LHFPL3: variants seen among roughly 807,000 people sequenced by gnomAD.
LHFPL3 encodes the protein LHFPL tetraspan subfamily member 3 protein.
In LHFPL3, 5 loss-of-function variants were observed where a neutral mutation model predicts 19.3. The ratio of observed to expected loss-of-function variants is 0.26; its 90% CI spans 0.14 to 0.54. The LOEUF (loss-of-function observed/expected upper bound fraction) is 0.54. Ranked by LOEUF, LHFPL3 falls within the 20% of genes least tolerant of loss-of-function variation. LHFPL3 has a pLI of 0.94. For missense variants in LHFPL3, 249 were observed against 307.4 expected, an observed-to-expected ratio of 0.81 and a Z score of 1.42; for synonymous variants, 133 against 126.2, an observed-to-expected ratio of 1.05 and a Z score of -0.36.
chr7:104,651,807 G>C (rs1044551856), intron 1 of LHFPL3, among the ~76,000 whole-genome samples: 1 of 152,168 alleles, frequency 6.6e-6, no homozygotes, highest in African/African-American at 2.4e-5. Flanking sequence ...CATTAGCAGT[G>C]AGACCTTGAG....
At chr7:104,625,180 T>C (rs1207484600) in intron 1 of LHFPL3, among the ~76,000 whole-genome samples, 2 of 152,230 alleles carry the variant, frequency 1.3e-5, no homozygotes, top group South Asian at 2.1e-4. Flanking sequence ...TGGATAGTCA[T>C]GCATTTATTT....
At chr7:104,394,390 T>G (rs968522735) in intron 1 of LHFPL3, among the ~76,000 whole-genome samples, 1 of 152,224 alleles carries the variant, frequency 6.6e-6, no homozygotes, top group Admixed American at 6.5e-5. Flanking sequence ...ATAATTTAGG[T>G]AATTTTAATT....
At chr7:104,557,994 C>A (rs1032555067) in intron 1 of LHFPL3, among the ~76,000 whole-genome samples, 1 of 150,734 alleles carries the variant, frequency 6.6e-6, no homozygotes, top group Non-Finnish European at 1.5e-5. Context: ...CATGTCCCTA[C>A]AAAGGACATG....
chr7:104,794,743 TAGAA>T (rs1790086016), intron 2 of LHFPL3, among the ~76,000 whole-genome samples: 1 of 152,206 alleles, frequency 6.6e-6, no homozygotes, highest in Non-Finnish European at 1.5e-5. Context: ...GATTGGCAGT[TAGAA>T]AGAATCAGCC....
intron 2 of LHFPL3, among the ~76,000 whole-genome samples, chr7:104,841,569 C>T (rs1331585249): frequency 3.4e-5 from 5 of 146,450 alleles, no homozygotes; most frequent in East Asian, 2.0e-4. Context: ...TAAGCCATTA[C>T]GTGTCTGCTT....
At chr7:104,650,296 T>G (rs1020326376) in intron 1 of LHFPL3, among the ~76,000 whole-genome samples, 9 of 152,166 alleles carry the variant, frequency 5.9e-5, no homozygotes, top group African/African-American at 1.9e-4. Flanking sequence ...TCATCTGTGG[T>G]GCACACATCC....
At chr7:104,754,294 A>G (rs1010248793) in intron 2 of LHFPL3, among the ~76,000 whole-genome samples, 1 of 152,248 alleles carries the variant, frequency 6.6e-6, no homozygotes, top group African/African-American at 2.4e-5. Flanking sequence ...ATGTGTACCA[A>G]ACAACCATCT....
chr7:104,478,654 A>G (rs1793072900), intron 1 of LHFPL3, among the ~76,000 whole-genome samples: 1 of 152,162 alleles, frequency 6.6e-6, no homozygotes, highest in African/African-American at 2.4e-5. Flanking sequence ...AGTGTGTTCC[A>G]TGCATTCCAT....
At chr7:104,337,280 T>C (rs1000131180) in intron 1 of LHFPL3, among the ~76,000 whole-genome samples, 7 of 152,078 alleles carry the variant, frequency 4.6e-5, no homozygotes, top group East Asian at 1.9e-4. Flanking sequence ...GAAGTATGAA[T>C]AGTAAAGAGA....
intron 1 of LHFPL3, among the ~76,000 whole-genome samples, chr7:104,416,439 C>A (rs1466202985): frequency 6.6e-6 from 1 of 152,234 alleles, no homozygotes; most frequent in Admixed American, 6.5e-5. Flanking sequence ...GTATCACCTA[C>A]TCACTGCTGC....
chr7:104,821,443 C>T (rs1472841956), intron 2 of LHFPL3, among the ~76,000 whole-genome samples: 1 of 152,196 alleles, frequency 6.6e-6, no homozygotes, highest in African/African-American at 2.4e-5. Flanking sequence ...CAAGTGAAGG[C>T]TGAGGTAGGA....
At chr7:104,578,653 T>A (rs971231234) in intron 1 of LHFPL3, among the ~76,000 whole-genome samples, 2 of 152,250 alleles carry the variant, frequency 1.3e-5, no homozygotes, top group African/African-American at 2.4e-5. Context: ...TGATGGAGCC[T>A]GCCCACCTGT....
chr7:104,507,162 C>A (rs9691431), intron 1 of LHFPL3, among the ~76,000 whole-genome samples: 1 of 151,680 alleles, frequency 6.6e-6, no homozygotes, highest in African/African-American at 2.4e-5. Context: ...CAATCCTAAG[C>A]CAAAAGAACA....
Position 104,754,948 on chromosome 7 carries a change from C to T in LHFPL3, c.682+18037C>T, listed in dbSNP as rs76551912. 3.1e-4 allele frequency among the ~76,000 whole-genome samples: 47 copies of T among 152,186 alleles called. 1 individual carries two copies. Among genetic ancestry groups the T allele is most frequent in the Admixed American group, 1.5e-3 (23 of 15,284 alleles). ...TCACCAGGTGCTAGGGGGCAGAGTGCGGTTCATCTAAGGAGTAGAGAAGGG... is the reference window on the plus strand; with the variant it reads ...TCACCAGGTGCTAGGGGGCAGAGTGTGGTTCATCTAAGGAGTAGAGAAGGG... On this transcript the variant is annotated intron_variant, in intron 2 of 2. Coordinates refer to ENST00000424859, the MANE Select transcript of LHFPL3 (RefSeq NM_199000.3).
At chr7:104,798,069 C>T (rs1790168638) in intron 2 of LHFPL3, among the ~76,000 whole-genome samples, 1 of 152,140 alleles carries the variant, frequency 6.6e-6, no homozygotes, top group South Asian at 2.1e-4. Context: ...TGTCACATGG[C>T]TTATGACCCC....
At chr7:104,430,406 A>ATATATGTATATATATATATATATATG (rs1562895155) in intron 1 of LHFPL3, among the ~76,000 whole-genome samples, 26 of 31,340 alleles carry the variant, frequency 8.3e-4, no homozygotes, top group Non-Finnish European at 1.1e-3. Context: ...ATATATATAC[A>ATATATGTATATATATATATATATATG]TATATATATA....
At position 104,865,166 on chromosome 7, in the gene LHFPL3, G is replaced by A. The variant is rs373929615; in HGVS notation, c.683-41021G>A. On this transcript the variant is annotated intron_variant, in intron 2 of 2. Transcript: ENST00000424859. ...AACTGGAAACTCTAAAAATCAGAGC[G>A]CCTCTCCTCCTCCAAAGGAATGCAG... Among the ~76,000 whole-genome samples, 211 of 152,288 alleles carry A rather than the reference G, an allele frequency of 1.4e-3. 1 individual carries two copies. The highest frequency in any genetic ancestry group is 0.01 in the South Asian group (49 of 4,824).
chr7:104,388,537 T>C (rs1226373016), intron 1 of LHFPL3, among the ~76,000 whole-genome samples: 1 of 152,108 alleles, frequency 6.6e-6, no homozygotes, highest in South Asian at 2.1e-4. Context: ...ACTTCCCAAC[T>C]TACTCTATGA....
chr7:104,458,760 C>T (rs1184861479), intron 1 of LHFPL3, among the ~76,000 whole-genome samples: 1 of 151,546 alleles, frequency 6.6e-6, no homozygotes, highest in Non-Finnish European at 1.5e-5. Context: ...GTGTTATTGG[C>T]TAATTCACCT....
Sources: allele counts gnomAD v4.1 joint callset (sites outside exome capture counted in the v4.1 genomes callset), GRCh38; gene constraint gnomAD v4.1.1; transcripts MANE v1.5; gene names NCBI Gene and HGNC (gene_info 2026-07-23, HGNC 2026-07-21).